UBA3: variants seen among roughly 807,000 people sequenced by gnomAD.
UBA3 encodes ubiquitin like modifier activating enzyme 3.
In UBA3, 26 loss-of-function variants were observed where a neutral mutation model predicts 73.5. That is an observed-to-expected ratio of 0.35 (90% CI 0.26 to 0.49). The LOEUF (loss-of-function observed/expected upper bound fraction) is 0.49, where lower values mean the gene tolerates loss of function less well. UBA3 is among the 20% of genes least tolerant of loss of function. The probability of loss-of-function intolerance (pLI) is 0.98; values close to 1 mark genes in which losing one functional copy is unlikely to be tolerated. For synonymous variants in UBA3, 217 were observed against 191.2 expected (o/e 1.13, Z -1.11); for missense variants, 495 against 555.6 (o/e 0.89, Z 1.10).
intron 4 of UBA3, among the ~76,000 whole-genome samples, chr3:69,074,837 C>T (rs1433296398): frequency 1.3e-5 from 2 of 152,146 alleles, no homozygotes; most frequent in East Asian, 3.9e-4. Context: ...GTTTAGCTTT[C>T]CCAAACCTTA....
intron 5 of UBA3, among the ~76,000 whole-genome samples, chr3:69,070,499 GAA>G (rs1290940294): frequency 1.3e-5 from 2 of 150,022 alleles, no homozygotes; most frequent in Non-Finnish European, 1.5e-5. Flanking sequence ...AATAGAGAGA[GAA>G]AAAAAAAGTC....
intron 6 of UBA3, among the ~76,000 whole-genome samples, chr3:69,064,585 G>C (rs2092051720): frequency 2.0e-5 from 3 of 152,058 alleles, no homozygotes; most frequent in Admixed American, 2.0e-4. Context: ...TTTTTCAGTT[G>C]GTAAAGATTT....
intron 5 of UBA3, among the ~76,000 whole-genome samples, chr3:69,070,923 T>C (rs6766693): frequency 0.58 from 87,458 of 152,014 alleles, 25,313 homozygotes; most frequent in East Asian, 0.82. Flanking sequence ...GGATTACAGG[T>C]GTAAGCCACC....
In UBA3 at chr3:69,072,685, C is replaced by G. The variant is rs368105107; in HGVS notation, c.265-1068G>C. On this transcript the variant is annotated intron_variant, in intron 4 of 17. Coordinates refer to ENST00000361055, the MANE Select transcript of UBA3 (RefSeq NM_003968.4). ...GCCTTGTGCTTTGTTCTGGTGATCT[C>G]AGACCATCTTGTAAGATATAGACCA... 2.0e-5 allele frequency among the ~76,000 whole-genome samples: 3 copies of G among 152,320 alleles called. No individual in the cohort carries two copies. The South Asian group carries it at 6.2e-4, about 32-fold the overall frequency.
chr3:69,080,160 G>C lies in UBA3; in HGVS notation c.21-7C>G. The C allele has an allele frequency of 6.2e-7, 1 of 1,605,852 alleles. No individual in the cohort carries two copies. The highest frequency in any genetic ancestry group is 8.5e-7 in the Non-Finnish European group (1 of 1,177,024). On this transcript the variant is annotated splice_polypyrimidine_tract_variant and splice_region_variant and intron_variant, in intron 1 of 17. Coordinates refer to ENST00000361055, the MANE Select transcript of UBA3 (RefSeq NM_003968.4). ...TCTCCTTCTTTTCTTCTCCCTAAAA[G>C]AGAGAATAAAAGAAGGGTCAGCATC... is the stretch of plus-strand genomic sequence containing the variant.
At chr3:69,057,739 T>C (rs2091986041) in intron 11 of UBA3, among the ~76,000 whole-genome samples, 1 of 152,130 alleles carries the variant, frequency 6.6e-6, no homozygotes, top group South Asian at 2.1e-4. Flanking sequence ...GGTTGGCATA[T>C]GAACACAGAT....
chr3:69,062,301 C>A (rs377413079), intron 9 of UBA3, 122 bp from the exon 10 acceptor site: 2 of 683,382 alleles, frequency 2.9e-6, no homozygotes, highest in African/African-American at 3.6e-5. Context: ...ATATTGTATA[C>A]CATTAAAAAT....
intron 17 of UBA3, 65 bp from the exon 18 acceptor site, chr3:69,055,590 T>A: frequency 8.3e-7 from 1 of 1,211,776 alleles, no homozygotes; most frequent in Non-Finnish European, 1.2e-6. Flanking sequence ...AATACACATG[T>A]AAACAAACTA....
intron 4 of UBA3, among the ~76,000 whole-genome samples, chr3:69,071,979 T>C (rs1187813895): frequency 2.0e-5 from 3 of 152,220 alleles, no homozygotes; most frequent in Non-Finnish European, 1.5e-5. Flanking sequence ...TTTCAAAATA[T>C]TGTTAAAAGC....
Position 69,062,060 on chromosome 3 carries a change from T to C in UBA3, c.796+17A>G. ...TGTATTTTATGTAATTCTAGATTAT[T>C]AAATTAGGTTTATTACCTCCAAAAG... On this transcript the variant is annotated intron_variant, in intron 10 of 17. Transcript: ENST00000361055. The C allele has an allele frequency of 6.5e-7, 1 of 1,529,518 alleles. No homozygotes were observed. The highest frequency in any genetic ancestry group is 9.0e-7 in the Non-Finnish European group (1 of 1,117,116). 94.7% of individuals were successfully genotyped at this position (1,529,518 alleles called of 1,614,324 possible).
Position 69,056,809 on chromosome 3 carries a change from C to T in UBA3, c.971G>A (p.Cys324Tyr), listed in dbSNP as rs746754514. ...GGCTATTTTAAAAACCTCAGTGGCA[C>T]ACACAGCTGAAGGGAGGAGAAAATA... is the stretch of plus-strand genomic sequence containing the variant. ...ASTNAVIAAV[C>Y]ATEVFKIATS... Residue 324 changes from cysteine (C) to tyrosine (Y), a missense_variant, in exon 13 of 18, where the codon TGT becomes TAT. Cys to Tyr is a radical substitution (Grantham distance 194, BLOSUM62 -2). Transcript: ENST00000361055. The T allele has an allele frequency of 6.2e-7, 1 of 1,612,678 alleles. No individual in the cohort carries two copies. Among genetic ancestry groups the T allele is most frequent in the Admixed American group, 1.7e-5 (1 of 59,748 alleles).
chr3:69,073,824 T>C (rs2092142531), intron 4 of UBA3, among the ~76,000 whole-genome samples: 2 of 144,118 alleles, frequency 1.4e-5, no homozygotes, highest in African/African-American at 4.9e-5. Flanking sequence ...CTGTATTTTT[T>C]AGTAGAGACG....
Position 69,056,594 on chromosome 3 carries a change from G to T in UBA3, c.1083+18C>A. On this transcript the variant is annotated intron_variant, in intron 14 of 17. Coordinates refer to ENST00000361055, the MANE Select transcript of UBA3 (RefSeq NM_003968.4). ...TCAAAATATGCATGATCAAAAATGT[G>T]TTCTTAATACTACTAACCTTTCTTT... is the stretch of plus-strand genomic sequence containing the variant. The T allele has an allele frequency of 6.3e-7, 1 of 1,578,056 alleles. No homozygotes were observed. The highest frequency in any genetic ancestry group is 8.7e-7 in the Non-Finnish European group (1 of 1,155,834).
intron 8 of UBA3, 38 bp from the exon 9 acceptor site, chr3:69,063,175 G>C: frequency 6.2e-7 from 1 of 1,606,246 alleles, no homozygotes; most frequent in Non-Finnish European, 8.5e-7. Flanking sequence ...AGGAGAAGGG[G>C]ATAAGAATTC....
chr3:69,080,013 C>T (rs1279019505), intron 2 of UBA3, 99 bp downstream of exon 2: 8 of 1,183,184 alleles, frequency 6.8e-6, no homozygotes, highest in Non-Finnish European at 9.6e-6. Context: ...GGGTGTCCCC[C>T]TCCCAGCCCC....
At chr3:69,055,672 G>T in intron 17 of UBA3, 147 bp from the exon 18 acceptor site, 1 of 905,250 alleles carries the variant, frequency 1.1e-6, no homozygotes, top group African/African-American at 1.7e-5. Context: ...ATTTCTTAGA[G>T]ATTTTAAAAT....
intron 6 of UBA3, among the ~76,000 whole-genome samples, chr3:69,064,990 T>C (rs1049593709): frequency 6.6e-6 from 1 of 152,182 alleles, no homozygotes; most frequent in Non-Finnish European, 1.5e-5. Flanking sequence ...AATAAAGCTA[T>C]GAACAATAAT....
chr3:69,072,796 TCTTCCTCATTGCAGTAA>T (rs2092131255), intron 4 of UBA3, among the ~76,000 whole-genome samples: 2 of 152,270 alleles, frequency 1.3e-5, no homozygotes, highest in Admixed American at 1.3e-4. Context: ...CTTTTCCAGA[TCTTCCTCATTGCAGTAA>T]CTTCCTCATT....
rs767789615 is a variant in UBA3, at chr3:69,063,480, G to C, written c.496C>G (p.Leu166Val). Residue 166 changes from leucine to valine, a missense_variant, in exon 8 of 18, where the codon CTG becomes GTG. Physicochemically the swap from Leu to Val is conservative, Grantham distance 32. Coordinates refer to ENST00000361055, the MANE Select transcript of UBA3 (RefSeq NM_003968.4). ...CATCTTCTGGCGATGATAGAGTCCA[G>C]TCCACATACAATAATATGAAATTCT... Reference protein sequence around the residue: ...YRQFHIIVCGLDSIIARRWIN... With the variant: ...YRQFHIIVCGVDSIIARRWIN... The C allele has an allele frequency of 1.5e-5, 23 of 1,554,122 alleles. 1 individual carries two copies. In the South Asian group the frequency reaches 2.8e-4, roughly 19 times the overall value.
Sources: gnomAD v4.1 joint callset for allele counts (sites outside exome capture counted in the v4.1 genomes callset) on GRCh38, gnomAD v4.1.1 for gene constraint, MANE v1.5 for transcripts, NCBI Gene and HGNC (gene_info 2026-07-23, HGNC 2026-07-21) for gene names.